MYLK: variants seen among roughly 807,000 people sequenced by gnomAD.
The protein encoded by MYLK is myosin light chain kinase, smooth muscle.
In MYLK, 106 loss-of-function variants were observed where a neutral mutation model predicts 203.4. The observed-to-expected ratio is 0.52, with a 90% CI of 0.45 to 0.61. The LOEUF (loss-of-function observed/expected upper bound fraction) is 0.61, where lower values mean the gene tolerates loss of function less well. Ranked by LOEUF, MYLK falls within the 20% of genes least tolerant of loss-of-function variation. The pLI, the probability that MYLK is intolerant of heterozygous loss-of-function variation, is 0.00. For missense variants in MYLK, 2,072 were observed against 2,442.3 expected (o/e 0.85, Z 3.20); for synonymous variants, 867 against 959.5 (o/e 0.90, Z 1.78).
At chr3:123,832,017 G>A (rs1406094353) in intron 2 of MYLK, among the ~76,000 whole-genome samples, 1 of 152,204 alleles carries the variant, frequency 6.6e-6, no homozygotes, top group Admixed American at 6.5e-5. Context: ...GCAGGTGAAA[G>A]GCAGTGCAGG....
intron 29 of MYLK, among the ~76,000 whole-genome samples, chr3:123,631,396 CAAAAA>C (rs34937543): frequency 3.4e-5 from 4 of 117,916 alleles, no homozygotes; most frequent in Admixed American, 8.3e-5. Flanking sequence ...AACTCAATCT[CAAAAA>C]AAAAAAAAAA....
At chr3:123,619,083 C>A (rs544147227) in intron 32 of MYLK, among the ~76,000 whole-genome samples, 1 of 152,228 alleles carries the variant, frequency 6.6e-6, no homozygotes, top group Non-Finnish European at 1.5e-5. Context: ...TAGGATTCAG[C>A]TGAGGGTATC....
intron 7 of MYLK, among the ~76,000 whole-genome samples, chr3:123,738,643 A>G (rs1003798620): frequency 6.6e-6 from 1 of 152,168 alleles, no homozygotes; most frequent in Non-Finnish European, 1.5e-5. Flanking sequence ...GACAGTGAAT[A>G]AGTCTCATGT....
intron 5 of MYLK, among the ~76,000 whole-genome samples, chr3:123,743,663 T>C (rs2062927886): frequency 6.6e-6 from 1 of 152,130 alleles, no homozygotes; most frequent in Non-Finnish European, 1.5e-5. Flanking sequence ...ACTGACGGTA[T>C]TTGATCTTAG....
At chr3:123,774,884 T>G (rs2064012649) in intron 4 of MYLK, among the ~76,000 whole-genome samples, 1 of 152,184 alleles carries the variant, frequency 6.6e-6, no homozygotes, top group Non-Finnish European at 1.5e-5. Flanking sequence ...TGTTTGTTTA[T>G]GCGCTGGATA....
intron 29 of MYLK, among the ~76,000 whole-genome samples, chr3:123,632,516 TCCTCGCC>T (rs2058476057): frequency 6.6e-6 from 1 of 152,100 alleles, no homozygotes; most frequent in Non-Finnish European, 1.5e-5. Flanking sequence ...AGGGAGAGCC[TCCTCGCC>T]TCTGGCCTCT....
chr3:123,699,338 C>T (rs2061075150), intron 18 of MYLK, among the ~76,000 whole-genome samples: 1 of 152,200 alleles, frequency 6.6e-6, no homozygotes, highest in African/African-American at 2.4e-5. Context: ...GGCCCCCCTC[C>T]TCTCCCCACC....
At chr3:123,855,662 A>G (rs2031300715) in intron 2 of MYLK, among the ~76,000 whole-genome samples, 1 of 152,108 alleles carries the variant, frequency 6.6e-6, no homozygotes, top group Non-Finnish European at 1.5e-5. Context: ...ACAAGAAATT[A>G]AAAAAATAAA....
intron 3 of MYLK, among the ~76,000 whole-genome samples, chr3:123,802,856 A>C (rs1448411638): frequency 6.6e-6 from 1 of 152,158 alleles, no homozygotes; most frequent in Admixed American, 6.5e-5. Flanking sequence ...AAGTTCACTC[A>C]CTTCATTCTT....
chr3:123,760,504 C>T (rs2063500967), intron 4 of MYLK, among the ~76,000 whole-genome samples: 1 of 152,170 alleles, frequency 6.6e-6, no homozygotes, highest in Non-Finnish European at 1.5e-5. Context: ...ACTGAGATAG[C>T]ACATGTACAA....
In MYLK at chr3:123,842,511, T is replaced by C. The variant is rs1188587888; in HGVS notation, c.-126-10841A>G. On this transcript the variant is annotated intron_variant, in intron 2 of 33. Coordinates refer to ENST00000360304, the MANE Select transcript of MYLK (RefSeq NM_053025.4). The stretch of plus-strand genomic sequence containing the variant: ...ATAGACATATATAGAACCCTATGCC[T>C]GATAATTACAAAATATGCATTACTC... Among the ~76,000 whole-genome samples, 11 of 152,220 alleles carry C rather than the reference T, an allele frequency of 7.2e-5. 1 individual carries two copies. Among genetic ancestry groups the C allele is most frequent in the Non-Finnish European group, 1.5e-5 (1 of 68,036 alleles).
rs2063229998 is a variant in MYLK at position 123,752,526 on chromosome 3, G to C, written c.178C>G (p.Pro60Ala). Residue 60 changes from proline to alanine, a missense_variant, in exon 5 of 34, where the codon CCA becomes GCA. Physicochemically the swap from Pro to Ala is conservative, Grantham distance 27. Transcript: ENST00000360304. Reference protein sequence around the residue: ...AKFEGRVRGYPEPQVTWHRNG... With the variant: ...AKFEGRVRGYAEPQVTWHRNG... ...CTGTGCCATGTCACCTGGGGCTCTG[G>C]GTAACCCCGGACCTTCAAGAAAAAG... 2 of 1,613,326 alleles carry C rather than the reference G, an allele frequency of 1.2e-6. No individual in the cohort carries two copies. The highest frequency in any genetic ancestry group is 1.7e-6 in the Non-Finnish European group (2 of 1,179,886).
intron 17 of MYLK, 65 bp downstream of exon 17, chr3:123,701,373 C>A (rs916816388): frequency 6.5e-7 from 1 of 1,539,024 alleles, no homozygotes. Context: ...GCTGGAGCTG[C>A]CGGGGCCAGG....
At position 123,722,303 on chromosome 3, in the gene MYLK, C is replaced by T. The variant is rs1443653040; in HGVS notation, c.1652-23G>A. ...GCCCTGTGGAGGAAGCACAGGAAGG[C>T]TCAGGCCAGGCAGCACTGGCAGTAG... is the stretch of plus-strand genomic sequence containing the variant. On this transcript the variant is annotated intron_variant, in intron 12 of 33. Coordinates refer to ENST00000360304, the MANE Select transcript of MYLK (RefSeq NM_053025.4). The T allele has an allele frequency of 3.8e-6, 6 of 1,560,154 alleles. No individual in the cohort carries two copies. The East Asian group carries it at 1.2e-4, about 31-fold the overall frequency.
intron 19 of MYLK, among the ~76,000 whole-genome samples, chr3:123,689,410 G>A (rs372608223): frequency 7.2e-5 from 11 of 152,116 alleles, no homozygotes; most frequent in Admixed American, 5.2e-4. Context: ...CTCTGGGAGC[G>A]GGCCCCACCA....
intron 4 of MYLK, among the ~76,000 whole-genome samples, chr3:123,758,216 C>A (rs1460112196): frequency 6.6e-6 from 1 of 152,150 alleles, no homozygotes. Context: ...CAGCAACTGG[C>A]ACTCAGCCCC....
At chr3:123,820,611 T>TTTCCTTCCTTCCTTTC (rs2065890906) in intron 3 of MYLK, among the ~76,000 whole-genome samples, 3 of 136,136 alleles carry the variant, frequency 2.2e-5, no homozygotes, top group Admixed American at 1.5e-4. Context: ...CAGTGATTGA[T>TTTCCTTCCTTCCTTTC]TTCCTTCCTT....
Position 123,629,905 on chromosome 3 carries a change from C to T in MYLK, c.4962-279G>A. On this transcript the variant is annotated intron_variant, in intron 29 of 33. Coordinates refer to ENST00000360304, the MANE Select transcript of MYLK (RefSeq NM_053025.4). The surrounding 1 kb of genome is among the most constrained non-coding windows in gnomAD (Gnocchi z 4.4). Reference sequence around the variant, plus strand: ...TTACGGGCTTCTGCAGGGTACGCGGCAGGGCTGATAAGTCCCTCTGTCCTG... The same window carrying T: ...TTACGGGCTTCTGCAGGGTACGCGGTAGGGCTGATAAGTCCCTCTGTCCTG... 2.1e-6 allele frequency: 1 copy of T among 467,392 alleles called. No homozygotes were observed. Among genetic ancestry groups the T allele is most frequent in the South Asian group, 2.2e-5 (1 of 45,942 alleles). 29.0% of individuals were successfully genotyped at this position (467,392 alleles called of 1,614,324 possible). A position where few individuals can be genotyped will look rare whatever the true frequency, so the allele number is the denominator to read the frequency against.
At chr3:123,779,573 C>T (rs1347684727) in intron 4 of MYLK, among the ~76,000 whole-genome samples, 1 of 152,186 alleles carries the variant, frequency 6.6e-6, no homozygotes, top group Non-Finnish European at 1.5e-5. Context: ...GCCCCCACCT[C>T]GTCCTGCCGT....
Sources: allele counts gnomAD v4.1 joint callset (sites outside exome capture counted in the v4.1 genomes callset), GRCh38; gene constraint gnomAD v4.1.1; non-coding constraint Gnocchi (gnomAD v3.1); transcripts MANE v1.5; gene names NCBI Gene and HGNC (gene_info 2026-07-23, HGNC 2026-07-21).